CORO7: variants seen among roughly 807,000 people sequenced by gnomAD.
The protein encoded by CORO7 is coronin-7.
CORO7 carries 107 observed loss-of-function variants against 126.6 expected under a neutral mutation model. That is an observed-to-expected ratio of 0.85 (90% CI 0.72 to 0.99). CORO7 has a LOEUF of 0.99. Ranked by LOEUF, CORO7 falls within the 50% of genes least tolerant of loss-of-function variation. The probability of loss-of-function intolerance (pLI) is 0.00; values close to 1 mark genes in which losing one functional copy is unlikely to be tolerated. For synonymous variants in CORO7, 603 were observed against 536.8 expected, an observed-to-expected ratio of 1.12 and a Z score of -1.70; for missense variants, 1,314 against 1,255.8, an observed-to-expected ratio of 1.05 and a Z score of -0.70.
In CORO7 at chr16:4,358,061, T is replaced by G. The variant is rs900514322; in HGVS notation, c.2500A>C (p.Ile834Leu). ...QDDVFPDTAV[I>L]WEPVLSAEAW... ...TCGGCACTGAGCACAGGCTCCCAGA[T>G]CACAGCCGTGTCTGGGAACACGTCA... Residue 834 changes from isoleucine (I) to leucine (L), a missense_variant, in exon 25 of 28, where the codon ATC becomes CTC. By Grantham distance (5) the Ile-to-Leu change is conservative. Coordinates refer to ENST00000251166, the MANE Select transcript of CORO7 (RefSeq NM_024535.5). The G allele has an allele frequency of 2.7e-5, 43 of 1,613,014 alleles. No individual in the cohort carries two copies. The highest frequency in any genetic ancestry group is 3.6e-5 in the Non-Finnish European group (43 of 1,179,458).
At chr16:4,367,062 C>G (rs887062833) in intron 9 of CORO7, among the ~76,000 whole-genome samples, 1 of 152,218 alleles carries the variant, frequency 6.6e-6, no homozygotes, top group Non-Finnish European at 1.5e-5. Context: ...TGCCCACCTC[C>G]CCTCCCCACA....
At chr16:4,363,565 A>T (rs1273607218) in intron 14 of CORO7, among the ~76,000 whole-genome samples, 2 of 148,512 alleles carry the variant, frequency 1.3e-5, no homozygotes, top group Non-Finnish European at 3.0e-5. Flanking sequence ...GATACAAATT[A>T]GCCAGGCGTG....
In CORO7 at chr16:4,413,372, G is replaced by C; in HGVS notation, c.93C>G (p.Ala31=). The C allele has an allele frequency of 6.3e-7, 1 of 1,583,016 alleles. No individual in the cohort carries two copies. Among genetic ancestry groups the C allele is most frequent in the Non-Finnish European group, 8.6e-7 (1 of 1,163,336 alleles). The change falls in exon 2 of 28, where the codon GCC becomes GCG. Residue 31 remains alanine, a synonymous_variant. Coordinates refer to ENST00000251166, the MANE Select transcript of CORO7 (RefSeq NM_024535.5). ...ATTTGATGTGGTTCCTGCATGAAGG[G>C]GCGGTTCCTGCTCGAATGTCACTGA... ...SWISDIRAGT[A]PSCRNHIKSS... is the part of the protein sequence containing the mutation.
intron 26 of CORO7, 62 bp from the exon 27 acceptor site, chr16:4,355,434 T>C (rs1300760101): frequency 6.6e-7 from 1 of 1,510,884 alleles, no homozygotes; most frequent in Non-Finnish European, 9.0e-7. Flanking sequence ...CCTCTCCCAC[T>C]CCAAGAACAA....
chr16:4,392,933 A>AG, intron 7 of CORO7, among the ~76,000 whole-genome samples: 1 of 152,284 alleles, frequency 6.6e-6, no homozygotes, highest in South Asian at 2.1e-4. Context: ...AAAGCCCCGC[A>AG]GGGGGGCTCC....
chr16:4,389,145 G>A (rs2055298830), intron 7 of CORO7, among the ~76,000 whole-genome samples: 1 of 152,186 alleles, frequency 6.6e-6, no homozygotes, highest in Non-Finnish European at 1.5e-5. Context: ...GGATTTCGAG[G>A]ATCACTGTGG....
At chr16:4,414,951 T>C (rs985416915) in intron 1 of CORO7, among the ~76,000 whole-genome samples, 1 of 152,120 alleles carries the variant, frequency 6.6e-6, no homozygotes, top group Non-Finnish European at 1.5e-5. Flanking sequence ...AACCTCCACT[T>C]CCTCGGCTCA....
intron 3 of CORO7, 31 bp from the exon 4 acceptor site, chr16:4,408,282 A>T: frequency 6.2e-7 from 1 of 1,614,134 alleles, no homozygotes; most frequent in Non-Finnish European, 8.5e-7. Context: ...AACCCACCGG[A>T]ATGTCCTGTT....
intron 5 of CORO7, among the ~76,000 whole-genome samples, chr16:4,406,296 G>A (rs971941622): frequency 2.7e-5 from 4 of 150,484 alleles, no homozygotes; most frequent in Non-Finnish European, 5.9e-5. Context: ...CACCGTGCCC[G>A]GCCTATTATT....
intron 9 of CORO7, chr16:4,382,385 G>T (rs1211100128): frequency 3.7e-6 from 6 of 1,612,258 alleles, no homozygotes; most frequent in Non-Finnish European, 5.1e-6. Flanking sequence ...AACCTATCGG[G>T]CCCTGATAAG....
In CORO7 at chr16:4,365,587, G is replaced by C. The variant is rs1173114168; in HGVS notation, c.786-42C>G. ...AAGATGGCGGGTCAGGGCAGTGGGA[G>C]GGCTGCCAGACTCGTAACCCCATGT... On this transcript the variant is annotated intron_variant, in intron 9 of 27. Transcript: ENST00000251166. The C allele has an allele frequency of 3.2e-6, 5 of 1,556,762 alleles. No individual in the cohort carries two copies. In the Admixed American group the frequency reaches 9.7e-5, roughly 30 times the overall value.
chr16:4,397,988 C>G (rs1277199278), intron 6 of CORO7, among the ~76,000 whole-genome samples: 1 of 152,106 alleles, frequency 6.6e-6, no homozygotes, highest in East Asian at 1.9e-4. Flanking sequence ...GCAATCACAG[C>G]TCACTGCAAA....
intron 7 of CORO7, among the ~76,000 whole-genome samples, chr16:4,394,640 C>A (rs1706675937): frequency 6.6e-6 from 1 of 152,210 alleles, no homozygotes; most frequent in South Asian, 2.1e-4. Context: ...TAAACCAGCC[C>A]AGCAAGAGAA....
chr16:4,378,455 C>A (rs761878402), intron 9 of CORO7, among the ~76,000 whole-genome samples: 4 of 152,042 alleles, frequency 2.6e-5, no homozygotes, highest in African/African-American at 9.7e-5. Flanking sequence ...GCAGAGGTGG[C>A]CTCACCCCCC....
chr16:4,357,249 G>A lies in CORO7; in HGVS notation c.2604C>T (p.Ala868=), dbSNP rs1489080024. 2.5e-6 allele frequency: 4 copies of A among 1,613,140 alleles called. No individual in the cohort carries two copies. In the South Asian group the frequency reaches 3.3e-5, roughly 13 times the overall value. The part of the protein sequence containing the change: ...QPPDMSPVSQ[A]PREAPARRAP... Reference sequence around the variant, plus strand: ...CCCGACGAGCAGGGGCCTCTCGGGGGGCTTGGCTCACTGGGACAGAGCAAG... The same window carrying A: ...CCCGACGAGCAGGGGCCTCTCGGGGAGCTTGGCTCACTGGGACAGAGCAAG... The change falls in exon 26 of 28, where the codon GCC becomes GCT. Residue 868 remains alanine (A), a synonymous_variant. Transcript: ENST00000251166.
intron 3 of CORO7, 122 bp from the exon 4 acceptor site, chr16:4,408,373 A>G (rs546614013): frequency 2.1e-6 from 3 of 1,399,242 alleles, no homozygotes; most frequent in Admixed American, 2.0e-5. Context: ...CAAGTCTACA[A>G]GGGCCCTCTG....
At chr16:4,375,730 G>A (rs543288931) in intron 9 of CORO7, among the ~76,000 whole-genome samples, 16 of 152,264 alleles carry the variant, frequency 1.1e-4, no homozygotes, top group East Asian at 7.7e-4. Flanking sequence ...CCTCGTGATC[G>A]TCCTACCTCG....
At chr16:4,366,536 T>C (rs1440730497) in intron 9 of CORO7, among the ~76,000 whole-genome samples, 6 of 103,174 alleles carry the variant, frequency 5.8e-5, no homozygotes, top group Non-Finnish European at 5.3e-5. Flanking sequence ...TGATCTTTGC[T>C]TTTTTTTTTT....
rs1180678354 is a variant in CORO7, at chr16:4,416,445, C to G, written c.60+14G>C. 6.4e-7 allele frequency: 1 copy of G among 1,564,902 alleles called. No individual in the cohort carries two copies. The highest frequency in any genetic ancestry group is 1.9e-5 in the Admixed American group (1 of 53,752). ...GCCCGAGGCGACAGCGCCCGGTCCT[C>G]GGGCCGGACTCACCTCGCGGCGGGG... On this transcript the variant is annotated intron_variant, in intron 1 of 27. Transcript: ENST00000251166.
Sources: gnomAD v4.1 joint callset for allele counts (sites outside exome capture counted in the v4.1 genomes callset) on GRCh38, gnomAD v4.1.1 for gene constraint, MANE v1.5 for transcripts, NCBI Gene and HGNC (gene_info 2026-07-23, HGNC 2026-07-21) for gene names.